Variants in GRIN3A observed in about 807,000 individuals in gnomAD.
The protein encoded by GRIN3A is glutamate ionotropic receptor NMDA type subunit 3A.
A neutral mutation model predicts 92.4 loss-of-function variants in GRIN3A; 47 were observed. The ratio of observed to expected loss-of-function variants is 0.51; its 90% CI spans 0.40 to 0.65. GRIN3A has a LOEUF of 0.65. GRIN3A is among the 30% of genes least tolerant of loss of function. The pLI, the probability that GRIN3A is intolerant of heterozygous loss-of-function variation, is 0.00. For missense variants in GRIN3A, 1,324 were observed against 1,393.1 expected (o/e 0.95, Z 0.79); for synonymous variants, 527 against 540.6 (o/e 0.97, Z 0.35).
intron 7 of GRIN3A, 150 bp from the exon 8 acceptor site, chr9:101,577,994 A>G (rs1460753951): frequency 1.1e-5 from 7 of 653,618 alleles, no homozygotes; most frequent in East Asian, 5.5e-5. Context: ...ATAGATCAAC[A>G]TTCAGCCTCA....
At chr9:101,648,062 T>G (rs1828962660) in intron 3 of GRIN3A, among the ~76,000 whole-genome samples, 1 of 151,944 alleles carries the variant, frequency 6.6e-6, no homozygotes. Context: ...TTCGTTGAGG[T>G]GCATTATTTG....
rs574922819 is a variant in GRIN3A, at chr9:101,718,312, G to T, written c.699+18969C>A. The stretch of plus-strand genomic sequence containing the variant: ...CATAGAAGTGAAAGTTGTCAATCAT[G>T]GTAGGGAGAGAGTGGCCAGTGTACC... On this transcript the variant is annotated intron_variant, in intron 1 of 8. Transcript: ENST00000361820. Among the ~76,000 whole-genome samples, 13 of 152,272 alleles carry T rather than the reference G, an allele frequency of 8.5e-5. No individual in the cohort carries two copies. The East Asian group carries it at 2.5e-3, about 29-fold the overall frequency.
In GRIN3A at chr9:101,711,590, T is replaced by C. The variant is rs552281330; in HGVS notation, c.700-24390A>G. ...GAGAAAGGGTTTGCTGCTTCTTGTCTGTCTTTTCTGTCTCTGATTTGCTTT... is the reference window on the plus strand; with the variant it reads ...GAGAAAGGGTTTGCTGCTTCTTGTCCGTCTTTTCTGTCTCTGATTTGCTTT... On this transcript the variant is annotated intron_variant, in intron 1 of 8. Coordinates refer to ENST00000361820, the MANE Select transcript of GRIN3A (RefSeq NM_133445.3). Among the ~76,000 whole-genome samples, 134 of 152,286 alleles carry C rather than the reference T, an allele frequency of 8.8e-4. 2 individuals are homozygous for C. The highest frequency in any genetic ancestry group is 3.1e-3 in the African/African-American group (127 of 41,558).
At chr9:101,701,648 T>G (rs574302980) in intron 1 of GRIN3A, among the ~76,000 whole-genome samples, 1 of 152,114 alleles carries the variant, frequency 6.6e-6, no homozygotes, top group African/African-American at 2.4e-5. Context: ...GACAAAGATT[T>G]CATGATGAAG....
At chr9:101,686,405 C>G (rs898089443) in intron 2 of GRIN3A, among the ~76,000 whole-genome samples, 191 bp downstream of exon 2, 2 of 152,130 alleles carry the variant, frequency 1.3e-5, no homozygotes, top group Non-Finnish European at 2.9e-5. Context: ...CATGTACTTA[C>G]AAGTTTATAG....
chr9:101,708,553 A>G (rs772770299), intron 1 of GRIN3A, among the ~76,000 whole-genome samples: 3 of 152,218 alleles, frequency 2.0e-5, no homozygotes, highest in Non-Finnish European at 4.4e-5. Context: ...AATGTGGTCT[A>G]GGAAATACGT....
At chr9:101,655,395 T>C (rs192195622) in intron 3 of GRIN3A, among the ~76,000 whole-genome samples, 1 of 152,060 alleles carries the variant, frequency 6.6e-6, no homozygotes, top group East Asian at 1.9e-4. Flanking sequence ...TAAAAACTTA[T>C]GGTAATTCAC....
chr9:101,619,578 G>A (rs557053673), intron 5 of GRIN3A, among the ~76,000 whole-genome samples: 2 of 152,320 alleles, frequency 1.3e-5, no homozygotes, highest in African/African-American at 4.8e-5. Flanking sequence ...TTATGCAGGT[G>A]AGGAACCTGA....
chr9:101,706,729 C>T (rs1273065686), intron 1 of GRIN3A, among the ~76,000 whole-genome samples: 1 of 152,150 alleles, frequency 6.6e-6, no homozygotes, highest in African/African-American at 2.4e-5. Context: ...TTCAAGCAAC[C>T]ATTCATTTAA....
chr9:101,667,960 G>C (rs1361418002), intron 3 of GRIN3A, among the ~76,000 whole-genome samples: 1 of 152,014 alleles, frequency 6.6e-6, no homozygotes, highest in Non-Finnish European at 1.5e-5. Flanking sequence ...AAACTTAGTG[G>C]AAATTCATTT....
Position 101,670,973 on chromosome 9 carries a change from C to T in GRIN3A, c.1439G>A (p.Arg480His), listed in dbSNP as rs34755188. The T allele has an allele frequency of 0.019, 31,379 of 1,613,932 alleles. 438 individuals carry two copies. The highest frequency in any genetic ancestry group is 0.021 in the Non-Finnish European group (25,076 of 1,179,856). Residue 480 changes from arginine to histidine, a missense_variant, in exon 3 of 9, where the codon CGC becomes CAC. By Grantham distance (29) the Arg-to-His change is conservative. Coordinates refer to ENST00000361820, the MANE Select transcript of GRIN3A (RefSeq NM_133445.3). ...CTTTCCCCCCTGCCAGCTGCCCAAGCGGGTCCACATTGGCTTTCCCATGGG... is the reference window on the plus strand; with the variant it reads ...CTTTCCCCCCTGCCAGCTGCCCAAGTGGGTCCACATTGGCTTTCCCATGGG... Reference protein sequence around the residue: ...HDPMGKPMWTRLGSWQGGKIV... With the variant: ...HDPMGKPMWTHLGSWQGGKIV...
chr9:101,704,239 C>T (rs1368145470), intron 1 of GRIN3A, among the ~76,000 whole-genome samples: 2 of 152,148 alleles, frequency 1.3e-5, no homozygotes, highest in Admixed American at 6.5e-5. Flanking sequence ...AATAGTCTTA[C>T]TTAGGATTCC....
chr9:101,573,583 G>T, intron 8 of GRIN3A, 70 bp from the exon 9 acceptor site: 1 of 1,231,922 alleles, frequency 8.1e-7, no homozygotes, highest in Non-Finnish European at 1.2e-6. Context: ...TCATCTGTTA[G>T]CCATTTCCTG....
intron 1 of GRIN3A, among the ~76,000 whole-genome samples, chr9:101,733,046 A>C (rs1336363422): frequency 1.3e-5 from 2 of 152,192 alleles, no homozygotes; most frequent in Non-Finnish European, 2.9e-5. Flanking sequence ...TTATTTATAA[A>C]ATAAAATCTA....
chr9:101,720,945 G>A (rs1267359805), intron 1 of GRIN3A, among the ~76,000 whole-genome samples: 1 of 152,154 alleles, frequency 6.6e-6, no homozygotes. Flanking sequence ...AGACTCCTGT[G>A]ACACAAGTTT....
rs965779291 is a variant in GRIN3A, at chr9:101,569,951, T to C, written c.*3223A>G. 6.6e-6 allele frequency: 1 copy of C among 152,208 alleles called. No individual in the cohort carries two copies. Among genetic ancestry groups the C allele is most frequent in the African/African-American group, 2.4e-5 (1 of 41,430 alleles). The allele number at this position is 152,208 out of a possible 1,614,324, so 9.4% of individuals were successfully genotyped here. ...GCACTTGCTCCGCTTACCACTTTTC[T>C]GGCTGGAAGGGAAGCAGCAGCTCTT... On this transcript the variant is annotated 3_prime_UTR_variant, in exon 9 of 9. Transcript: ENST00000361820.
chr9:101,578,775 G>A (rs1166549653), intron 7 of GRIN3A, among the ~76,000 whole-genome samples: 3 of 152,084 alleles, frequency 2.0e-5, no homozygotes, highest in Admixed American at 2.0e-4. Flanking sequence ...AAACCCCTCT[G>A]GACCAGGGAA....
intron 7 of GRIN3A, among the ~76,000 whole-genome samples, chr9:101,578,239 A>G (rs1827850400): frequency 6.6e-6 from 1 of 152,040 alleles, no homozygotes; most frequent in Non-Finnish European, 1.5e-5. Context: ...TAAGTTAATC[A>G]TATTAGCATA....
At chr9:101,617,558 C>A (rs1183687048) in intron 5 of GRIN3A, among the ~76,000 whole-genome samples, 3 of 151,984 alleles carry the variant, frequency 2.0e-5, no homozygotes, top group Admixed American at 2.0e-4. Context: ...AGATTACTAT[C>A]CCTTTAAAAT....
Sources: allele counts gnomAD v4.1 joint callset (sites outside exome capture counted in the v4.1 genomes callset), GRCh38; gene constraint gnomAD v4.1.1; transcripts MANE v1.5; gene names NCBI Gene and HGNC (gene_info 2026-07-23, HGNC 2026-07-21).